TNFRSF11A: variants seen among roughly 807,000 people sequenced by gnomAD.
The protein encoded by TNFRSF11A is TNF receptor superfamily member 11a, also known as tumor necrosis factor receptor superfamily member 11A.
In TNFRSF11A, 32 loss-of-function variants were observed where a neutral mutation model predicts 55.7. The ratio of observed to expected loss-of-function variants is 0.57; its 90% CI spans 0.43 to 0.77. TNFRSF11A has a LOEUF of 0.77. Among genes scored for constraint, TNFRSF11A ranks in the 30% least tolerant of loss-of-function variants. The pLI, the probability that TNFRSF11A is intolerant of heterozygous loss-of-function variation, is 0.00. For missense variants in TNFRSF11A, 753 were observed against 809.8 expected, an observed-to-expected ratio of 0.93 and a Z score of 0.85; for synonymous variants, 311 against 331.0, an observed-to-expected ratio of 0.94 and a Z score of 0.65.
At position 62,325,787 on chromosome 18, in the gene TNFRSF11A, T is replaced by C. The variant is rs538900543; in HGVS notation, c.75+360T>C. Among the ~76,000 whole-genome samples the C allele has an allele frequency of 2.2e-4, 33 of 152,344 alleles. No individual in the cohort carries two copies. The highest frequency in any genetic ancestry group is 5.3e-4 in the African/African-American group (22 of 41,596). On this transcript the variant is annotated intron_variant, in intron 1 of 9. Coordinates refer to ENST00000586569, the MANE Select transcript of TNFRSF11A (RefSeq NM_003839.4). This position sits in a 1 kb window ranked among gnomAD's most constrained non-coding sequence, Gnocchi z 4.7. ...GGCGGTGCCGCGGGAGACAGCGCCG[T>C]GGGCACCTCACTTGCGGCAGATAAC...
At chr18:62,333,308 C>T (rs1043015765) in intron 1 of TNFRSF11A, among the ~76,000 whole-genome samples, 1 of 152,170 alleles carries the variant, frequency 6.6e-6, no homozygotes, top group Admixed American at 6.5e-5. Context: ...TTCTTATGCC[C>T]CCCACCTACC....
In TNFRSF11A at chr18:62,383,651, C is replaced by A. The variant is rs1380889209; in HGVS notation, c.1568-1100C>A. Reference sequence around the variant, plus strand: ...CTTTAAAATGGAAGAATCGTAAGAGCTAGCAGGTTGCCTAACATTTGTTGG... The same window carrying A: ...CTTTAAAATGGAAGAATCGTAAGAGATAGCAGGTTGCCTAACATTTGTTGG... On this transcript the variant is annotated intron_variant, in intron 9 of 9. Transcript: ENST00000586569. The surrounding 1 kb of genome is among the most constrained non-coding windows in gnomAD (Gnocchi z 4.2). Among the ~76,000 whole-genome samples the A allele has an allele frequency of 6.6e-6, 1 of 152,058 alleles. No individual in the cohort carries two copies. Among genetic ancestry groups the A allele is most frequent in the Middle Eastern group, 3.2e-3 (1 of 316 alleles).
intron 9 of TNFRSF11A, among the ~76,000 whole-genome samples, chr18:62,371,772 GC>G (rs1910572437): frequency 6.6e-6 from 1 of 152,114 alleles, no homozygotes; most frequent in Non-Finnish European, 1.5e-5. Flanking sequence ...TCTCATTCTT[GC>G]TTTTTCATGT....
intron 1 of TNFRSF11A, among the ~76,000 whole-genome samples, chr18:62,327,676 T>A (rs1434859242): frequency 6.6e-6 from 1 of 152,218 alleles, no homozygotes; most frequent in East Asian, 1.9e-4. Flanking sequence ...AGGAACTGCC[T>A]AGTGGGTAAA....
chr18:62,358,246 A>C lies in TNFRSF11A; in HGVS notation c.428-2A>C. On this transcript the variant is annotated splice_acceptor_variant, in intron 4 of 9. Transcript: ENST00000586569. LOFTEE classifies it high-confidence loss of function. ...GGTTGTTTTTTTTTTTTTTTCTCAC[A>C]GTGCAGCTCAACAAGGACACAGTGT... The C allele has an allele frequency of 6.3e-7, 1 of 1,590,446 alleles. No homozygotes were observed. The highest frequency in any genetic ancestry group is 8.6e-7 in the Non-Finnish European group (1 of 1,167,736).
At chr18:62,376,913 C>T (rs1483443884) in intron 9 of TNFRSF11A, among the ~76,000 whole-genome samples, 1 of 151,998 alleles carries the variant, frequency 6.6e-6, no homozygotes, top group East Asian at 1.9e-4. Context: ...CTTGATAGCT[C>T]TTTTCTTTTT....
Position 62,385,060 on chromosome 18 carries a change from A to T in TNFRSF11A, c.*26A>T, listed in dbSNP as rs1911620079. The T allele has an allele frequency of 1.4e-6, 2 of 1,457,048 alleles. No individual in the cohort carries two copies. Among genetic ancestry groups the T allele is most frequent in the Non-Finnish European group, 1.8e-6 (2 of 1,114,082 alleles). 90.3% of individuals were successfully genotyped at this position (1,457,048 alleles called of 1,614,324 possible). On this transcript the variant is annotated 3_prime_UTR_variant, in exon 10 of 10. Coordinates refer to ENST00000586569, the MANE Select transcript of TNFRSF11A (RefSeq NM_003839.4). ...GCGCCCCCCATGGCTGGGAGCCCGA[A>T]GCTCGGAGCCAGGGCTCGCGAGGGC...
rs571663144 is a variant in TNFRSF11A, at chr18:62,384,664, C to T, written c.1568-87C>T. 97 of 1,507,794 alleles carry T rather than the reference C, an allele frequency of 6.4e-5. No individual in the cohort carries two copies. The African/African-American group carries it at 1.2e-3, about 19-fold the overall frequency. 93.4% of individuals were successfully genotyped at this position (1,507,794 alleles called of 1,614,324 possible). On this transcript the variant is annotated intron_variant, in intron 9 of 9. Coordinates refer to ENST00000586569, the MANE Select transcript of TNFRSF11A (RefSeq NM_003839.4). ...GGCTGTGGGAATCCGGGGAGCCGCC[C>T]TCCACTCCCCGGAACCTTCCTCTCG...
chr18:62,361,799 G>A lies in TNFRSF11A; in HGVS notation c.730+6G>A. 1 of 1,611,972 alleles carries A rather than the reference G, an allele frequency of 6.2e-7. No individual in the cohort carries two copies. The highest frequency in any genetic ancestry group is 8.5e-7 in the Non-Finnish European group (1 of 1,178,024). On this transcript the variant is annotated splice_donor_region_variant and intron_variant, in intron 7 of 9. Transcript: ENST00000586569. Reference sequence around the variant, plus strand: ...AAAAGGGAAAGCACTCACAGGTATTGTGTCTATGGTGGTTTTTGCAAACCA... The same window carrying A: ...AAAAGGGAAAGCACTCACAGGTATTATGTCTATGGTGGTTTTTGCAAACCA...
intron 6 of TNFRSF11A, among the ~76,000 whole-genome samples, chr18:62,360,817 G>A (rs560690744): frequency 1.3e-5 from 2 of 152,306 alleles, no homozygotes; most frequent in Non-Finnish European, 1.5e-5. Context: ...TACTTGGTGA[G>A]CAGGACAGTG....
At position 62,382,164 on chromosome 18, in the gene TNFRSF11A, G is replaced by A. The variant is rs149832205; in HGVS notation, c.1568-2587G>A. On this transcript the variant is annotated intron_variant, in intron 9 of 9. Coordinates refer to ENST00000586569, the MANE Select transcript of TNFRSF11A (RefSeq NM_003839.4). ...GTCTTGCACTCCACCCAGGCTGGGT[G>A]CAGTGGCGCGATCTTGACTCACTGC... 3.7e-3 allele frequency among the ~76,000 whole-genome samples: 514 copies of A among 138,100 alleles called. 2 individuals carry two copies. Among genetic ancestry groups the A allele is most frequent in the Non-Finnish European group, 5.6e-3 (370 of 65,988 alleles). The allele number at this position is 138,100 out of a possible 152,430, so 90.6% of individuals were successfully genotyped here. A position where few individuals can be genotyped will look rare whatever the true frequency, so the allele number is the denominator to read the frequency against.
At chr18:62,341,836 C>CATT (rs35964652) in intron 1 of TNFRSF11A, among the ~76,000 whole-genome samples, 1 of 85,216 alleles carries the variant, frequency 1.2e-5, no homozygotes. Context: ...CTGAGAATGG[C>CATT]TTTTTTTTTT....
intron 1 of TNFRSF11A, among the ~76,000 whole-genome samples, chr18:62,328,351 G>T (rs1166810941): frequency 1.3e-5 from 2 of 151,868 alleles, no homozygotes; most frequent in Non-Finnish European, 2.9e-5. Flanking sequence ...CTAGGAGGTG[G>T]GAAGAAAGCT....
intron 5 of TNFRSF11A, among the ~76,000 whole-genome samples, chr18:62,359,428 A>T (rs1909507154): frequency 6.6e-6 from 1 of 152,042 alleles, no homozygotes; most frequent in African/African-American, 2.4e-5. Context: ...TGCCCAGGCC[A>T]AAGTGCAGTG....
Position 62,325,774 on chromosome 18 carries a change from G to A in TNFRSF11A, c.75+347G>A, listed in dbSNP as rs1482344810. On this transcript the variant is annotated intron_variant, in intron 1 of 9. Transcript: ENST00000586569. This position sits in a 1 kb window ranked among gnomAD's most constrained non-coding sequence, Gnocchi z 4.7. ...AGCGCTTGCGCCGGGCGGTGCCGCG[G>A]GAGACAGCGCCGTGGGCACCTCACT... Among the ~76,000 whole-genome samples, 5 of 152,360 alleles carry A rather than the reference G, an allele frequency of 3.3e-5. No homozygotes were observed. In the East Asian group the frequency reaches 9.7e-4, roughly 29 times the overall value.
At position 62,353,713 on chromosome 18, in the gene TNFRSF11A, G is replaced by A. The variant is rs553104550; in HGVS notation, c.284-678G>A. Among the ~76,000 whole-genome samples, 298 of 81,792 alleles carry A rather than the reference G, an allele frequency of 3.6e-3. 1 individual carries two copies. Among genetic ancestry groups the A allele is most frequent in the African/African-American group, 9.0e-3 (272 of 30,112 alleles). 53.7% of individuals were successfully genotyped at this position (81,792 alleles called of 152,430 possible). ...TGTGTATGTAGTTTATAACAGATAC[G>A]TGTGTGTGTGTGTGTGTAGTTTACA... On this transcript the variant is annotated intron_variant, in intron 3 of 9. Transcript: ENST00000586569.
intron 3 of TNFRSF11A, among the ~76,000 whole-genome samples, chr18:62,351,836 G>A (rs769089998): frequency 1.3e-3 from 205 of 152,162 alleles, no homozygotes; most frequent in Admixed American, 2.4e-3. Flanking sequence ...TTGCTCTGTC[G>A]CCCAAGCTGG....
chr18:62,343,709 G>A (rs1260253835), intron 1 of TNFRSF11A, among the ~76,000 whole-genome samples: 5 of 152,076 alleles, frequency 3.3e-5, no homozygotes, highest in Non-Finnish European at 5.9e-5. Context: ...AAACAAATGC[G>A]TAGAAGACAC....
chr18:62,384,813 G>A lies in TNFRSF11A; in HGVS notation c.1630G>A (p.Gly544Ser), dbSNP rs760584395. The A allele has an allele frequency of 6.2e-7, 1 of 1,612,614 alleles. No homozygotes were observed. The highest frequency in any genetic ancestry group is 2.2e-5 in the East Asian group (1 of 44,836). ...CAGCGGGCAGGTGATGAACTTCAAG[G>A]GCGACATCATCGTGGTCTACGTCAG... is the stretch of plus-strand genomic sequence containing the variant. ...ISSGQVMNFKGDIIVVYVSQT... is the reference protein window; with the variant it reads ...ISSGQVMNFKSDIIVVYVSQT... Residue 544 changes from glycine to serine, a missense_variant, in exon 10 of 10, where the codon GGC becomes AGC. Gly to Ser is a moderately conservative substitution (Grantham distance 56, BLOSUM62 0). Transcript: ENST00000586569.
Sources: gnomAD v4.1 joint callset for allele counts (sites outside exome capture counted in the v4.1 genomes callset) on GRCh38, gnomAD v4.1.1 for gene constraint, Gnocchi (gnomAD v3.1) non-coding constraint, MANE v1.5 for transcripts, NCBI Gene and HGNC (gene_info 2026-07-23, HGNC 2026-07-21) for gene names.